Variants in NFRKB observed in about 807,000 individuals in gnomAD.
NFRKB encodes the protein nuclear factor related to kappa-B-binding protein.
Under a neutral mutation model 135.7 loss-of-function variants are expected in NFRKB, and 62 were observed. The observed-to-expected ratio is 0.46, with a 90% confidence interval of 0.37 to 0.56. The LOEUF is 0.56. NFRKB is among the 20% of genes least tolerant of loss of function. NFRKB has a pLI of 0.00. For missense variants in NFRKB, 1,545 were observed against 1,662.0 expected (o/e 0.93, Z 1.22); for synonymous variants, 678 against 635.6 (o/e 1.07, Z -1.00).
chr11:129,894,583 C>G (rs776506053), intron 1 of NFRKB, 145 bp from the exon 2 acceptor site: 1 of 152,192 alleles, frequency 6.6e-6, no homozygotes, highest in Non-Finnish European at 1.5e-5. Context: ...ATTTCAAGCT[C>G]CCTTGAAGAG....
In NFRKB at chr11:129,874,738, G is replaced by C. The variant is rs543126500; in HGVS notation, c.1978+55C>G. On this transcript the variant is annotated intron_variant, in intron 19 of 26. Transcript: ENST00000682444. This position sits in a 1 kb window ranked among gnomAD's most constrained non-coding sequence, Gnocchi z 4.5. ...TGAAAAGAATAATGGAATTGGGGTA[G>C]AAAGTCAGAACGTATCCCCAGTCTG... 4.3e-6 allele frequency: 7 copies of C among 1,613,390 alleles called. 1 individual carries two copies. Among genetic ancestry groups the C allele is most frequent in the Admixed American group, 3.3e-5 (2 of 60,012 alleles).
Position 129,878,297 on chromosome 11 carries a change from T to G in NFRKB, c.1511+12A>C. 1 of 1,613,886 alleles carries G rather than the reference T, an allele frequency of 6.2e-7. No individual in the cohort carries two copies. The highest frequency in any genetic ancestry group is 8.5e-7 in the Non-Finnish European group (1 of 1,179,888). ...CCCAGGACACCACCCACCACTACAG[T>G]ATTGTACTCACACCCGAGGGACAGG... On this transcript the variant is annotated intron_variant, in intron 15 of 26. Transcript: ENST00000682444.
In NFRKB at chr11:129,882,604, T is replaced by C. The variant is rs758008778; in HGVS notation, c.929A>G (p.Lys310Arg). Residue 310 changes from lysine (K) to arginine (R), a missense_variant, in exon 10 of 27, where the codon AAA (lysine) becomes AGA (arginine). By Grantham distance (26) the Lys-to-Arg change is conservative. Coordinates refer to ENST00000682444, the MANE Select transcript of NFRKB (RefSeq NM_001143835.2). ...CTTTTCCTCTTTTTCCTTAACCTTT[T>C]TTTTAAGGACAGCCAAGTCATATAA... is the stretch of plus-strand genomic sequence containing the variant. ...AALYDLAVLK[K>R]KVKEKEEKKK... The C allele has an allele frequency of 3.7e-6, 6 of 1,613,822 alleles. No homozygotes were observed. Among genetic ancestry groups the C allele is most frequent in the Non-Finnish European group, 4.2e-6 (5 of 1,180,016 alleles).
Position 129,863,646 on chromosome 11 carries a change from A to C in NFRKB, c.*1079T>G, listed in dbSNP as rs958453662. On this transcript the variant is annotated 3_prime_UTR_variant, in exon 27 of 27. Transcript: ENST00000682444. ...ACAAACAAACAAACAAACAAACAAA[A>C]AACGCTTTTACTTAAAAGGCCATAT... 19 of 156,962 alleles carry C rather than the reference A, an allele frequency of 1.2e-4. No individual in the cohort carries two copies. Among genetic ancestry groups the C allele is most frequent in the Non-Finnish European group, 1.9e-4 (14 of 72,002 alleles). The allele number at this position is 156,962 out of a possible 1,614,324, so 9.7% of individuals were successfully genotyped here.
chr11:129,874,402 C>G lies in NFRKB; in HGVS notation c.2059-69G>C. 1 of 1,534,590 alleles carries G rather than the reference C, an allele frequency of 6.5e-7. No homozygotes were observed. The highest frequency in any genetic ancestry group is 2.3e-5 in the East Asian group (1 of 44,410). On this transcript the variant is annotated intron_variant, in intron 20 of 26. Coordinates refer to ENST00000682444, the MANE Select transcript of NFRKB (RefSeq NM_001143835.2). This position sits in a 1 kb window ranked among gnomAD's most constrained non-coding sequence, Gnocchi z 4.5. ...CCCCCTAAAGGAAGGGACACCCCTA[C>G]AGCTCCTGATGCCCCACACCAAGTG... is the stretch of plus-strand genomic sequence containing the variant.
In NFRKB at chr11:129,874,928, A is replaced by G. The variant is rs1948689622; in HGVS notation, c.1855-12T>C. 3.1e-6 allele frequency: 5 copies of G among 1,613,970 alleles called. No individual in the cohort carries two copies. Among genetic ancestry groups the G allele is most frequent in the Non-Finnish European group, 4.2e-6 (5 of 1,179,852 alleles). On this transcript the variant is annotated splice_polypyrimidine_tract_variant and intron_variant, in intron 18 of 26. Coordinates refer to ENST00000682444, the MANE Select transcript of NFRKB (RefSeq NM_001143835.2). This position sits in a 1 kb window ranked among gnomAD's most constrained non-coding sequence, Gnocchi z 4.5. ...ACTACTGTATTTACCTACAAATCAGACAAAGGGAAATAAGAAACAAGTCAA... is the reference window on the plus strand; with the variant it reads ...ACTACTGTATTTACCTACAAATCAGGCAAAGGGAAATAAGAAACAAGTCAA...
At position 129,869,592 on chromosome 11, in the gene NFRKB, C is replaced by T. The variant is rs1267809459; in HGVS notation, c.3433G>A (p.Ala1145Thr). 5.0e-6 allele frequency: 8 copies of T among 1,614,158 alleles called. No homozygotes were observed. The South Asian group carries it at 8.8e-5, about 18-fold the overall frequency. Residue 1145 changes from alanine (A) to threonine (T), a missense_variant, in exon 24 of 27, where the codon GCT becomes ACT. Around this residue, in one of 3 missense-constraint regions of NFRKB, gnomAD observed 753 missense variants for 804.3 expected, o/e 0.94. Transcript: ENST00000682444. Reference protein sequence around the residue: ...NAAVSKTVAVASGAASTPISI... With the variant: ...NAAVSKTVAVTSGAASTPISI... ...ATGGGGGTGCTTGCAGCCCCAGAAG[C>T]CACAGCTACAGTCTTGGACACAGCA...
In NFRKB at chr11:129,874,176, G is replaced by A. The variant is rs528344247; in HGVS notation, c.2216C>T (p.Pro739Leu). ...ALPAIPISPP[P>L]VSAVNKSGPS... ...GCCGCTTTTGTTCACTGCCGATACA[G>A]GTGGAGGGGAGATGGGAATGGCGGG... is the stretch of plus-strand genomic sequence containing the variant. The change falls in exon 21 of 27, where the codon CCT (proline) becomes CTT (leucine). Residue 739 changes from proline (P) to leucine (L), a missense_variant. Pro to Leu is a moderately conservative substitution (Grantham distance 98). This residue lies in a region of NFRKB where 753 missense variants were observed against 804.3 expected (regional missense o/e 0.94). Coordinates refer to ENST00000682444, the MANE Select transcript of NFRKB (RefSeq NM_001143835.2). This position sits in a 1 kb window ranked among gnomAD's most constrained non-coding sequence, Gnocchi z 4.5. The A allele has an allele frequency of 4.4e-5, 67 of 1,521,994 alleles. No homozygotes were observed. Among genetic ancestry groups the A allele is most frequent in the Admixed American group, 2.0e-4 (9 of 45,610 alleles). 94.3% of individuals were successfully genotyped at this position (1,521,994 alleles called of 1,614,324 possible).
At chr11:129,883,835 A>T (rs534727237) in intron 8 of NFRKB, among the ~76,000 whole-genome samples, 1 of 152,260 alleles carries the variant, frequency 6.6e-6, no homozygotes, top group South Asian at 2.1e-4. Flanking sequence ...CGATTCCTAT[A>T]CTCGACAGTG....
At position 129,870,057 on chromosome 11, in the gene NFRKB, A is replaced by T; in HGVS notation, c.2968T>A (p.Leu990Met). The change falls in exon 24 of 27, where the codon TTG becomes ATG. Residue 990 changes from leucine (L) to methionine (M), a missense_variant. Transcript: ENST00000682444. ...CCTGTCCCGAAGAGGTCCTGGGTCA[A>T]TTTGACTGTGGTAACCTGGGACTTG... ...LAKSQVTTVK[L>M]TQDLFGTGGN... The T allele has an allele frequency of 1.9e-6, 3 of 1,614,254 alleles. No individual in the cohort carries two copies. The African/African-American group carries it at 4.0e-5, about 22-fold the overall frequency.
chr11:129,867,303 T>C (rs918594590), intron 24 of NFRKB, among the ~76,000 whole-genome samples: 2 of 151,290 alleles, frequency 1.3e-5, no homozygotes, highest in African/African-American at 2.4e-5. Context: ...ACTTCTATGA[T>C]GCAGAAACCT....
At chr11:129,881,967 G>T in intron 11 of NFRKB, 114 bp from the exon 12 acceptor site, 5 of 1,485,306 alleles carry the variant, frequency 3.4e-6, no homozygotes, top group Non-Finnish European at 4.5e-6. Context: ...GAATCACAAA[G>T]CAAGTTAACT....
In NFRKB at chr11:129,882,649, C is replaced by T. The variant is rs1440208619; in HGVS notation, c.902-18G>A. On this transcript the variant is annotated intron_variant, in intron 9 of 26. Coordinates refer to ENST00000682444, the MANE Select transcript of NFRKB (RefSeq NM_001143835.2). ...ATATAAGGCTAGAAAGGCAAAGTAA[C>T]ACCAGTCACAGAAATGTATCTCCTA... 4 of 1,609,532 alleles carry T rather than the reference C, an allele frequency of 2.5e-6. No individual in the cohort carries two copies. The highest frequency in any genetic ancestry group is 3.4e-6 in the Non-Finnish European group (4 of 1,178,298).
intron 6 of NFRKB, 127 bp downstream of exon 6, chr11:129,885,308 C>T: frequency 1.8e-6 from 2 of 1,104,260 alleles, no homozygotes; most frequent in Non-Finnish European, 2.6e-6. Context: ...CCGCTATGCA[C>T]CCCAGACCAG....
At chr11:129,877,532 C>T in intron 15 of NFRKB, 147 bp from the exon 16 acceptor site, 1 of 728,288 alleles carries the variant, frequency 1.4e-6, no homozygotes. Flanking sequence ...AGCCCACCTT[C>T]CAGCTCCTAC....
chr11:129,886,955 T>C (rs1461613838), intron 4 of NFRKB, among the ~76,000 whole-genome samples: 1 of 152,180 alleles, frequency 6.6e-6, no homozygotes, highest in East Asian at 1.9e-4. Context: ...TTTACACTAG[T>C]AACCCACCAA....
At chr11:129,875,652 C>CTTTTTT (rs761583169) in intron 17 of NFRKB, among the ~76,000 whole-genome samples, 189 bp from the exon 18 acceptor site, 3 of 101,808 alleles carry the variant, frequency 2.9e-5, no homozygotes, top group African/African-American at 7.4e-5. Context: ...CTATACACTT[C>CTTTTTT]TTTTTTTTTT....
Position 129,864,515 on chromosome 11 carries a change from C to T in NFRKB, c.*210G>A. On this transcript the variant is annotated 3_prime_UTR_variant, in exon 27 of 27. Coordinates refer to ENST00000682444, the MANE Select transcript of NFRKB (RefSeq NM_001143835.2). ...TCTCCTAGATTGGTAGAGAGCAGACCTTGGAACCCTGGAGTGAACCTTTCT... is the reference window on the plus strand; with the variant it reads ...TCTCCTAGATTGGTAGAGAGCAGACTTTGGAACCCTGGAGTGAACCTTTCT... The T allele has an allele frequency of 1.7e-6, 1 of 588,698 alleles. No individual in the cohort carries two copies. Among genetic ancestry groups the T allele is most frequent in the Non-Finnish European group, 3.0e-6 (1 of 337,502 alleles). 36.5% of individuals were successfully genotyped at this position (588,698 alleles called of 1,614,324 possible).
chr11:129,893,398 A>G, intron 2 of NFRKB: 1 of 389,902 alleles, frequency 2.6e-6, no homozygotes, highest in Admixed American at 3.4e-5. Context: ...ACAAAAAAAA[A>G]AAAAAAAAAA....
Sources: allele counts gnomAD v4.1 joint callset (sites outside exome capture counted in the v4.1 genomes callset), GRCh38; gene constraint gnomAD v4.1.1; regional missense constraint gnomAD v4.1.1; non-coding constraint Gnocchi (gnomAD v3.1); transcripts MANE v1.5; gene names NCBI Gene and HGNC (gene_info 2026-07-23, HGNC 2026-07-21).